The following LIMA1 variants were observed in gnomAD, a reference collection of about 807,000 sequenced individuals.
LIMA1 encodes the protein LIM domain and actin binding 1.
Under a neutral mutation model 62.6 loss-of-function variants are expected in LIMA1, and 52 were observed. The ratio of observed to expected loss-of-function variants is 0.83; its 90% CI spans 0.67 to 1.05. The LOEUF (loss-of-function observed/expected upper bound fraction) is 1.05, where lower values mean the gene tolerates loss of function less well. LIMA1 is among the 50% of genes least tolerant of loss of function. The pLI is 0.00. For missense variants in LIMA1, 780 were observed against 902.2 expected, an observed-to-expected ratio of 0.86 and a Z score of 1.74; for synonymous variants, 302 against 317.8, an observed-to-expected ratio of 0.95 and a Z score of 0.53.
chr12:50,230,616 A>G (rs1350440748), intron 3 of LIMA1, among the ~76,000 whole-genome samples: 3 of 151,702 alleles, frequency 2.0e-5, no homozygotes, highest in Non-Finnish European at 4.4e-5. Flanking sequence ...CTGACTGCAG[A>G]GTCAAGCTGG....
At chr12:50,179,741 TTTG>T (rs1386741093) in intron 10 of LIMA1, among the ~76,000 whole-genome samples, 32 of 148,898 alleles carry the variant, frequency 2.1e-4, no homozygotes, top group African/African-American at 4.7e-4. Flanking sequence ...CCAGCCATTT[TTTG>T]TTGTTTTTTT....
At chr12:50,275,750 A>G (rs945233354) in intron 1 of LIMA1, among the ~76,000 whole-genome samples, 1 of 152,196 alleles carries the variant, frequency 6.6e-6, no homozygotes, top group African/African-American at 2.4e-5. Context: ...CAGGTCCAGG[A>G]AACAGAGAAT....
chr12:50,249,154 A>G (rs1476669914), intron 1 of LIMA1, among the ~76,000 whole-genome samples: 1 of 152,118 alleles, frequency 6.6e-6, no homozygotes, highest in East Asian at 1.9e-4. Flanking sequence ...ATTAGTTTCT[A>G]CCTACATTCA....
intron 1 of LIMA1, among the ~76,000 whole-genome samples, chr12:50,268,036 G>A (rs1157287851): frequency 6.6e-6 from 1 of 152,090 alleles, no homozygotes; most frequent in African/African-American, 2.4e-5. Flanking sequence ...AGGACTTTCT[G>A]AATATCATGT....
chr12:50,211,087 C>T (rs1461354181), intron 4 of LIMA1, among the ~76,000 whole-genome samples: 1 of 151,014 alleles, frequency 6.6e-6, no homozygotes, highest in Non-Finnish European at 1.5e-5. Flanking sequence ...TTTGGGAGGC[C>T]AAGGCAGGTG....
chr12:50,210,685 G>C lies in LIMA1; in HGVS notation c.631-4617C>G, dbSNP rs566991110. 1.4e-4 allele frequency among the ~76,000 whole-genome samples: 22 copies of C among 152,196 alleles called. No individual in the cohort carries two copies. The South Asian group carries it at 2.1e-3, about 14-fold the overall frequency. On this transcript the variant is annotated intron_variant, in intron 4 of 10. Transcript: ENST00000341247. ...CCTTGCCAGGGCAGAGGCTTTCTTT[G>C]GTTTTAAACGCATAAAATTTCCCAT...
intron 9 of LIMA1, chr12:50,188,269 G>A (rs554953273): frequency 1.3e-5 from 2 of 152,302 alleles, no homozygotes; most frequent in South Asian, 2.1e-4. Flanking sequence ...TTAGCTGTAT[G>A]TAATTTCCCA....
At chr12:50,251,214 T>C (rs1337770582) in intron 1 of LIMA1, among the ~76,000 whole-genome samples, 2 of 152,204 alleles carry the variant, frequency 1.3e-5, no homozygotes, top group African/African-American at 2.4e-5. Flanking sequence ...TGCTAATGAA[T>C]GCTTTAAGAT....
chr12:50,258,760 G>A (rs111377985), intron 1 of LIMA1, among the ~76,000 whole-genome samples: 3,902 of 145,946 alleles, frequency 0.027, 77 homozygotes, highest in Non-Finnish European at 0.038. Context: ...CCACTCTCCT[G>A]CCTCAGCCTT....
intron 2 of LIMA1, among the ~76,000 whole-genome samples, chr12:50,236,660 C>T (rs1250633465): frequency 1.3e-5 from 2 of 152,082 alleles, no homozygotes; most frequent in South Asian, 2.1e-4. Context: ...TGGAGTCCTT[C>T]TCCCTCTGTC....
chr12:50,278,147 G>A lies in LIMA1; in HGVS notation c.-24+5273C>T, dbSNP rs192559484. On this transcript the variant is annotated intron_variant, in intron 1 of 10. Transcript: ENST00000341247. ...CAAAAATTAGCCAGACGGGCTGGGC[G>A]AGGTGGCTCATGCCTGTAATCCCAG... 1.1e-3 allele frequency among the ~76,000 whole-genome samples: 169 copies of A among 152,076 alleles called. 1 individual carries two copies. In the East Asian group the frequency reaches 0.017, roughly 15 times the overall value.
At chr12:50,185,476 T>C in intron 9 of LIMA1, 1 of 456,130 alleles carries the variant, frequency 2.2e-6, no homozygotes, top group South Asian at 1.5e-5. Context: ...GAACCTTCAA[T>C]GAATACACAG....
intron 9 of LIMA1, chr12:50,182,280 G>A (rs1228271649): frequency 2.2e-5 from 6 of 267,850 alleles, no homozygotes; most frequent in African/African-American, 8.7e-5. Flanking sequence ...GTGGAGCTAC[G>A]TCTGGATTAC....
intron 3 of LIMA1, among the ~76,000 whole-genome samples, chr12:50,224,752 C>T (rs796360118): frequency 1.2e-4 from 19 of 152,130 alleles, no homozygotes; most frequent in African/African-American, 3.9e-4. Context: ...TTTTTAGAGA[C>T]GGGGTCTCGC....
rs1180999290 is a variant in LIMA1 at position 50,218,002 on chromosome 12, T to A, written c.630+4019A>T. ...TCACTGCAAGCTCTGCCTCCCGGGTTCACGCCATTCTCCTGCCTCAGCCTC... is the reference window on the plus strand; with the variant it reads ...TCACTGCAAGCTCTGCCTCCCGGGTACACGCCATTCTCCTGCCTCAGCCTC... On this transcript the variant is annotated intron_variant, in intron 4 of 10. Transcript: ENST00000341247. 3 of 152,608 alleles carry A rather than the reference T, an allele frequency of 2.0e-5. 1 individual carries two copies. 9.5% of individuals were successfully genotyped at this position (152,608 alleles called of 1,614,324 possible). A position where few individuals can be genotyped will look rare whatever the true frequency, so the allele number is the denominator to read the frequency against.
chr12:50,208,165 T>C (rs1222452165), intron 4 of LIMA1, among the ~76,000 whole-genome samples: 1 of 151,930 alleles, frequency 6.6e-6, no homozygotes, highest in Non-Finnish European at 1.5e-5. Flanking sequence ...TTGGGCAGCA[T>C]GGCAAAACCT....
At chr12:50,179,747 GTT>G (rs1292477108) in intron 10 of LIMA1, among the ~76,000 whole-genome samples, 2 of 129,828 alleles carry the variant, frequency 1.5e-5, no homozygotes, top group African/African-American at 2.8e-5. Flanking sequence ...ATTTTTTGTT[GTT>G]TTTTTTTTTG....
At chr12:50,263,851 T>TATATATATAG (rs1555210866) in intron 1 of LIMA1, among the ~76,000 whole-genome samples, 2 of 127,886 alleles carry the variant, frequency 1.6e-5, no homozygotes, top group South Asian at 2.5e-4. Context: ...TATATATATA[T>TATATATATAG]AGAGAGTATA....
chr12:50,282,542 T>G (rs1942352638), intron 1 of LIMA1, among the ~76,000 whole-genome samples: 1 of 152,210 alleles, frequency 6.6e-6, no homozygotes, highest in African/African-American at 2.4e-5. Flanking sequence ...TATTTATTTT[T>G]TTGTAGAGAC....
Sources: allele counts gnomAD v4.1 joint callset (sites outside exome capture counted in the v4.1 genomes callset), GRCh38; gene constraint gnomAD v4.1.1; transcripts MANE v1.5; gene names NCBI Gene and HGNC (gene_info 2026-07-23, HGNC 2026-07-21).